PHLPP2: variants seen among roughly 807,000 people sequenced by gnomAD.
PHLPP2 encodes the protein PH domain and leucine rich repeat protein phosphatase 2, also known as PH domain leucine-rich repeat-containing protein phosphatase 2.
In PHLPP2, 66 loss-of-function variants were observed where a neutral mutation model predicts 124.9. The ratio of observed to expected loss-of-function variants is 0.53; its 90% CI spans 0.43 to 0.65. PHLPP2 has a LOEUF of 0.65. Ranked by LOEUF, PHLPP2 falls within the 30% of genes least tolerant of loss-of-function variation. The pLI, the probability that PHLPP2 is intolerant of heterozygous loss-of-function variation, is 0.00. For missense variants in PHLPP2, 1,685 were observed against 1,600.4 expected (o/e 1.05, Z -0.90); for synonymous variants, 681 against 624.7 (o/e 1.09, Z -1.34).
At chr16:71,692,676 G>A (rs190137333) in intron 3 of PHLPP2, among the ~76,000 whole-genome samples, 7 of 152,194 alleles carry the variant, frequency 4.6e-5, no homozygotes, top group Admixed American at 4.6e-4. Context: ...ATCCACAGAT[G>A]CTATAGTCTC....
intron 2 of PHLPP2, among the ~76,000 whole-genome samples, chr16:71,712,876 GAAT>G (rs1402618902): frequency 6.6e-6 from 1 of 152,134 alleles, no homozygotes; most frequent in Non-Finnish European, 1.5e-5. Context: ...CCACAGCTTT[GAAT>G]TCTGTTTCAA....
At position 71,664,021 on chromosome 16, in the gene PHLPP2, C is replaced by T; in HGVS notation, c.1863G>A (p.Met621Ile). The change falls in exon 13 of 19, where the codon ATG (methionine) becomes ATA (isoleucine). Residue 621 changes from methionine to isoleucine, a missense_variant. Coordinates refer to ENST00000568954, the MANE Select transcript of PHLPP2 (RefSeq NM_015020.3). ...SACTGEESLSMLQLLYLTNNL... is the reference protein window; with the variant it reads ...SACTGEESLSILQLLYLTNNL... ...TGTTGGTCAGATAAAGCAGCTGCAGCATACTCAAACTCTCCTCTCCAGTGC... is the reference window on the plus strand; with the variant it reads ...TGTTGGTCAGATAAAGCAGCTGCAGTATACTCAAACTCTCCTCTCCAGTGC... The T allele has an allele frequency of 4.3e-6, 7 of 1,613,924 alleles. No individual in the cohort carries two copies. The highest frequency in any genetic ancestry group is 5.1e-6 in the Non-Finnish European group (6 of 1,179,796).
chr16:71,671,128 C>T lies in PHLPP2; in HGVS notation c.1532+1134G>A, dbSNP rs990087657. On this transcript the variant is annotated intron_variant, in intron 10 of 18. Transcript: ENST00000568954. ...TTTCTTCGGCAATGATCAAGCTCAA[C>T]GGAAAAGGTAAAATTTTAGTACTGA... 2.6e-5 allele frequency among the ~76,000 whole-genome samples: 4 copies of T among 152,054 alleles called. No individual in the cohort carries two copies. The East Asian group carries it at 5.8e-4, about 22-fold the overall frequency.
rs566820470 is a variant in PHLPP2 at position 71,667,458 on chromosome 16, T to G, written c.1629-125A>C. The G allele has an allele frequency of 9.7e-6, 7 of 720,884 alleles. No homozygotes were observed. The East Asian group carries it at 2.0e-4, about 21-fold the overall frequency. 44.7% of individuals were successfully genotyped at this position (720,884 alleles called of 1,614,324 possible). A position where few individuals can be genotyped will look rare whatever the true frequency, so the allele number is the denominator to read the frequency against. Reference sequence around the variant, plus strand: ...AAACATATTCTCCTAGATTGTATACTCACTGACAAGTGCCTGAGCCAAGAA... The same window carrying G: ...AAACATATTCTCCTAGATTGTATACGCACTGACAAGTGCCTGAGCCAAGAA... On this transcript the variant is annotated intron_variant, in intron 11 of 18. Transcript: ENST00000568954.
intron 13 of PHLPP2, among the ~76,000 whole-genome samples, chr16:71,661,011 T>G (rs915063815): frequency 6.6e-6 from 1 of 152,134 alleles, no homozygotes; most frequent in Non-Finnish European, 1.5e-5. Context: ...TCCATTCAGT[T>G]TTATTATATA....
intron 3 of PHLPP2, among the ~76,000 whole-genome samples, chr16:71,701,265 CATCT>C (rs61251526): frequency 0.18 from 27,425 of 149,778 alleles, 2,673 homozygotes; most frequent in East Asian, 0.29. Flanking sequence ...ATAACTAATT[CATCT>C]ATCTATCTAT....
chr16:71,653,418 T>G (rs1002725987), intron 17 of PHLPP2, among the ~76,000 whole-genome samples: 3 of 152,106 alleles, frequency 2.0e-5, no homozygotes, highest in African/African-American at 7.2e-5. Context: ...CCCAATAAAC[T>G]ATACTTTAAG....
At chr16:71,698,489 C>T in intron 3 of PHLPP2, 1 of 749,140 alleles carries the variant, frequency 1.3e-6, no homozygotes, top group South Asian at 1.4e-5. Flanking sequence ...TGCGGCTTTC[C>T]AAAGGCACCT....
intron 5 of PHLPP2, 108 bp from the exon 6 acceptor site, chr16:71,682,013 A>G (rs2045004588): frequency 1.3e-5 from 8 of 613,758 alleles, no homozygotes; most frequent in Non-Finnish European, 1.8e-5. Context: ...AAAAGATAGG[A>G]AAAAAAAGGC....
At chr16:71,685,846 C>T (rs1349923568) in intron 4 of PHLPP2, among the ~76,000 whole-genome samples, 1 of 152,100 alleles carries the variant, frequency 6.6e-6, no homozygotes, top group African/African-American at 2.4e-5. Context: ...ATTTTAATTT[C>T]TGTATTACAG....
intron 5 of PHLPP2, among the ~76,000 whole-genome samples, chr16:71,682,336 C>T (rs1355959133): frequency 6.6e-6 from 1 of 151,530 alleles, no homozygotes; most frequent in African/African-American, 2.4e-5. Context: ...TCCTGTGCCA[C>T]CATGCCAGGC....
At chr16:71,659,560 G>C (rs2044771543) in intron 13 of PHLPP2, among the ~76,000 whole-genome samples, 1 of 152,064 alleles carries the variant, frequency 6.6e-6, no homozygotes, top group South Asian at 2.1e-4. Flanking sequence ...CCATCACTAA[G>C]ATTCTTTACA....
chr16:71,658,031 T>C (rs1242036449), intron 15 of PHLPP2, among the ~76,000 whole-genome samples: 1 of 152,210 alleles, frequency 6.6e-6, no homozygotes, highest in African/African-American at 2.4e-5. Flanking sequence ...GTAGTAGCCA[T>C]GGAGTAGTCC....
rs547153412 is a variant in PHLPP2 at position 71,692,259 on chromosome 16, C to T, written c.419-1550G>A. Among the ~76,000 whole-genome samples, 17 of 152,118 alleles carry T rather than the reference C, an allele frequency of 1.1e-4. No individual in the cohort carries two copies. In the East Asian group the frequency reaches 2.7e-3, roughly 24 times the overall value. ...TAATATTTTGTATTTTTAGTAGAGA[C>T]GGGGTTTCACTGTGTTAGCCAGGAT... is the stretch of plus-strand genomic sequence containing the variant. On this transcript the variant is annotated intron_variant, in intron 3 of 18. Transcript: ENST00000568954.
At chr16:71,691,007 A>C (rs2045106299) in intron 3 of PHLPP2, among the ~76,000 whole-genome samples, 1 of 152,260 alleles carries the variant, frequency 6.6e-6, no homozygotes, top group Non-Finnish European at 1.5e-5. Context: ...TAGAGTGGTT[A>C]AGATCATGAA....
intron 11 of PHLPP2, among the ~76,000 whole-genome samples, chr16:71,668,309 C>T (rs534170529): frequency 1.3e-5 from 2 of 149,974 alleles, no homozygotes; most frequent in South Asian, 2.1e-4. Flanking sequence ...CCAGCTACTC[C>T]GGAAGCTGAG....
At chr16:71,719,998 T>A (rs1327367630) in intron 1 of PHLPP2, among the ~76,000 whole-genome samples, 2 of 124,048 alleles carry the variant, frequency 1.6e-5, no homozygotes, top group African/African-American at 6.5e-5. Context: ...TGAGACGGAG[T>A]GTCGCTGTTG....
At chr16:71,650,353 A>T (rs978948890) in intron 18 of PHLPP2, among the ~76,000 whole-genome samples, 2 of 152,202 alleles carry the variant, frequency 1.3e-5, no homozygotes, top group South Asian at 2.1e-4. Context: ...TGACAGAAAA[A>T]CAGTAAGCAG....
intron 2 of PHLPP2, 76 bp from the exon 3 acceptor site, chr16:71,702,807 A>ATTTTTG (rs2145369523): frequency 2.0e-6 from 2 of 1,005,862 alleles, no homozygotes; most frequent in South Asian, 3.6e-5. Context: ...TAGTATTTTT[A>ATTTTTG]TTTGTATAAA....
Sources: gnomAD v4.1 joint callset for allele counts (sites outside exome capture counted in the v4.1 genomes callset) on GRCh38, gnomAD v4.1.1 for gene constraint, MANE v1.5 for transcripts, NCBI Gene and HGNC (gene_info 2026-07-23, HGNC 2026-07-21) for gene names.